The following DCDC2 variants were observed in gnomAD, a reference collection of about 807,000 sequenced individuals.
The protein encoded by DCDC2 is doublecortin domain-containing protein 2.
A neutral mutation model predicts 50.2 loss-of-function variants in DCDC2; 40 were observed. The observed-to-expected ratio is 0.80, with a 90% CI of 0.62 to 1.04. The LOEUF (loss-of-function observed/expected upper bound fraction) is 1.04, where lower values mean the gene tolerates loss of function less well. Ranked by LOEUF, DCDC2 falls within the 50% of genes least tolerant of loss-of-function variation. The pLI, the probability that DCDC2 is intolerant of heterozygous loss-of-function variation, is 0.00. For synonymous variants in DCDC2, 234 were observed against 210.6 expected (o/e 1.11, Z -0.96); for missense variants, 570 against 581.9 (o/e 0.98, Z 0.21).
intron 7 of DCDC2, among the ~76,000 whole-genome samples, chr6:24,215,418 A>C (rs1260285696): frequency 6.6e-6 from 1 of 152,158 alleles, no homozygotes; most frequent in Non-Finnish European, 1.5e-5. Context: ...AGTGGGGTGC[A>C]TGGGGCTGAG....
intron 2 of DCDC2, among the ~76,000 whole-genome samples, chr6:24,352,814 T>C (rs1445616270): frequency 6.6e-6 from 1 of 152,200 alleles, no homozygotes; most frequent in Non-Finnish European, 1.5e-5. Flanking sequence ...ACTTGTTTAT[T>C]TGGGGTCTGA....
chr6:24,265,848 TAGAA>T (rs1763108684), intron 7 of DCDC2, among the ~76,000 whole-genome samples: 1 of 149,820 alleles, frequency 6.7e-6, no homozygotes, highest in South Asian at 2.1e-4. Flanking sequence ...GTATCTTAAC[TAGAA>T]AAGCAAGAGC....
Position 24,258,323 on chromosome 6 carries a change from G to A in DCDC2, c.922+19726C>T, listed in dbSNP as rs183457647. 2.0e-4 allele frequency among the ~76,000 whole-genome samples: 31 copies of A among 152,254 alleles called. 1 individual carries two copies. In the East Asian group the frequency reaches 3.7e-3, roughly 18 times the overall value. On this transcript the variant is annotated intron_variant, in intron 7 of 9. Transcript: ENST00000378454. The stretch of plus-strand genomic sequence containing the variant: ...CCTTATTTGTCCCCGCCCACATCCT[G>A]CTGATTGATCCATTTTACAGAGCAC...
At chr6:24,308,275 A>G (rs1759510134) in intron 2 of DCDC2, among the ~76,000 whole-genome samples, 1 of 152,244 alleles carries the variant, frequency 6.6e-6, no homozygotes. Flanking sequence ...TCTCACCAAT[A>G]TTAACTCCCA....
chr6:24,245,714 G>C (rs1378712769), intron 7 of DCDC2, among the ~76,000 whole-genome samples: 1 of 152,198 alleles, frequency 6.6e-6, no homozygotes, highest in Non-Finnish European at 1.5e-5. Flanking sequence ...TTAGCATTTA[G>C]AGAACAGTAG....
intron 7 of DCDC2, among the ~76,000 whole-genome samples, chr6:24,276,741 C>T (rs746114355): frequency 3.9e-5 from 6 of 152,120 alleles, no homozygotes; most frequent in Non-Finnish European, 7.4e-5. Flanking sequence ...GACTGTATTT[C>T]ACCCTAGCCT....
the DCDC2 span, among the ~76,000 whole-genome samples, chr6:24,371,231 C>T: frequency 2.2e-5 from 3 of 138,200 alleles, no homozygotes; most frequent in Non-Finnish European, 3.0e-5. Context: ...GAGCCGAGAT[C>T]GCGCCATTGC....
Position 24,344,709 on chromosome 6 carries a change from C to T in DCDC2, c.348+8860G>A, listed in dbSNP as rs1760224114. 2.0e-5 allele frequency among the ~76,000 whole-genome samples: 3 copies of T among 152,182 alleles called. No homozygotes were observed. The South Asian group carries it at 6.2e-4, about 32-fold the overall frequency. On this transcript the variant is annotated intron_variant, in intron 2 of 9. Transcript: ENST00000378454. The stretch of plus-strand genomic sequence containing the variant: ...AGTCTTGTTCAAACACACATACACG[C>T]ATCCATACACATCCATACACACAGT...
At chr6:24,292,610 A>T (rs1763775377) in intron 4 of DCDC2, among the ~76,000 whole-genome samples, 1 of 152,234 alleles carries the variant, frequency 6.6e-6, no homozygotes, top group Non-Finnish European at 1.5e-5. Context: ...GCCTATGCCT[A>T]TAGTTCCAGC....
intron 7 of DCDC2, among the ~76,000 whole-genome samples, chr6:24,213,298 C>T (rs1176994890): frequency 2.6e-5 from 4 of 152,060 alleles, no homozygotes; most frequent in African/African-American, 4.8e-5. Context: ...TCTTTTACTA[C>T]GATTTATCAC....
upstream of DCDC2, among the ~76,000 whole-genome samples, chr6:24,358,851 TA>T (rs370058623): frequency 2.2e-4 from 9 of 40,580 alleles, 1 homozygote; most frequent in Admixed American, 2.6e-3. Context: ...ATTTATATAT[TA>T]TATATAATAT....
chr6:24,220,389 C>T (rs1023819956), intron 7 of DCDC2, among the ~76,000 whole-genome samples: 4 of 151,974 alleles, frequency 2.6e-5, no homozygotes, highest in Non-Finnish European at 5.9e-5. Flanking sequence ...AAATTAACAA[C>T]AACAAAAAAA....
intron 9 of DCDC2, among the ~76,000 whole-genome samples, chr6:24,177,489 C>A (rs1760950625): frequency 6.6e-6 from 1 of 152,194 alleles, no homozygotes; most frequent in Non-Finnish European, 1.5e-5. Flanking sequence ...AGGCCCACTT[C>A]AGCAGTTACA....
At chr6:24,381,959 A>AGAAGGAAG in the DCDC2 span, among the ~76,000 whole-genome samples, 4,679 of 103,390 alleles carry the variant, frequency 0.045, 122 homozygotes, top group African/African-American at 0.056. Context: ...AAGGAAAGAA[A>AGAAGGAAG]GAAGGAAGGA....
intron 2 of DCDC2, among the ~76,000 whole-genome samples, chr6:24,326,324 C>G (rs1036659739): frequency 6.7e-6 from 1 of 148,798 alleles, no homozygotes; most frequent in South Asian, 2.3e-4. Context: ...AAAAGAGTCT[C>G]CATTTTTAGA....
At chr6:24,382,012 G>GAAGGA in the DCDC2 span, among the ~76,000 whole-genome samples, 1 of 85,580 alleles carries the variant, frequency 1.2e-5, no homozygotes, top group African/African-American at 6.8e-5. Flanking sequence ...AGGAAGGAAG[G>GAAGGA]CAGGCAAGCT....
chr6:24,304,815 T>C (rs904447150), intron 2 of DCDC2, among the ~76,000 whole-genome samples: 3 of 152,170 alleles, frequency 2.0e-5, no homozygotes, highest in South Asian at 2.1e-4. Context: ...TCATTTTTTT[T>C]CCCTTTTAGA....
intron 7 of DCDC2, among the ~76,000 whole-genome samples, chr6:24,210,927 C>T (rs183455936): frequency 6.6e-6 from 1 of 152,282 alleles, no homozygotes; most frequent in East Asian, 1.9e-4. Context: ...AAAACTCTCT[C>T]CTGCCTCATG....
rs149268081 is a variant in DCDC2 at position 24,178,436 on chromosome 6, C to G, written c.1220G>C (p.Gly407Ala). The stretch of plus-strand genomic sequence containing the variant: ...CTCCTCACCATTCTCCTCATCGGTG[C>G]CTCCATTTACACGAGCAGGGCGTGC... The part of the protein sequence containing the change: ...QQARPARVNG[G>A]TDEENGEELQ... The change falls in exon 9 of 10, where the codon GGC becomes GCC. Residue 407 changes from glycine to alanine, a missense_variant. By Grantham distance (60) the Gly-to-Ala change is moderately conservative (BLOSUM62 0). Coordinates refer to ENST00000378454, the MANE Select transcript of DCDC2 (RefSeq NM_016356.5). 1 of 1,614,058 alleles carries G rather than the reference C, an allele frequency of 6.2e-7. No homozygotes were observed. Among genetic ancestry groups the G allele is most frequent in the African/African-American group, 1.3e-5 (1 of 74,906 alleles).
Sources: gnomAD v4.1 joint callset for allele counts (sites outside exome capture counted in the v4.1 genomes callset) on GRCh38, gnomAD v4.1.1 for gene constraint, MANE v1.5 for transcripts, NCBI Gene and HGNC (gene_info 2026-07-23, HGNC 2026-07-21) for gene names.